The following LSAMP variants were observed in gnomAD, a reference collection of about 807,000 sequenced individuals.
LSAMP encodes limbic system associated membrane protein.
In LSAMP, 7 loss-of-function variants were observed where a neutral mutation model predicts 38.6. The observed-to-expected ratio is 0.18, with a 90% CI of 0.10 to 0.34. The LOEUF is 0.34. Ranked by LOEUF, LSAMP falls within the 10% of genes least tolerant of loss-of-function variation. The pLI is 1.00. For missense variants in LSAMP, 313 were observed against 420.0 expected (o/e 0.75, Z 2.23); for synonymous variants, 154 against 166.8 (o/e 0.92, Z 0.59).
At chr3:116,190,157 T>C (rs986679667) in intron 1 of LSAMP, among the ~76,000 whole-genome samples, 2 of 147,576 alleles carry the variant, frequency 1.4e-5, no homozygotes, top group African/African-American at 5.1e-5. Context: ...ACAGCTAAAA[T>C]CTTTTTAAGT....
intron 1 of LSAMP, among the ~76,000 whole-genome samples, chr3:116,161,169 T>C (rs891741242): frequency 6.6e-6 from 1 of 152,166 alleles, no homozygotes; most frequent in Non-Finnish European, 1.5e-5. Context: ...TGTATTTTTT[T>C]AGGGACAAGA....
At chr3:116,371,263 GATA>G (rs1290426733) in intron 1 of LSAMP, among the ~76,000 whole-genome samples, 1 of 151,992 alleles carries the variant, frequency 6.6e-6, no homozygotes, top group East Asian at 1.9e-4. Flanking sequence ...ACTACAGACC[GATA>G]TCCCTTATGA....
chr3:115,887,543 G>T (rs1366890956), intron 3 of LSAMP, among the ~76,000 whole-genome samples: 1 of 151,902 alleles, frequency 6.6e-6, no homozygotes, highest in Non-Finnish European at 1.5e-5. Context: ...TATATTGAAA[G>T]AATTCATGCA....
chr3:116,070,425 T>A (rs1436144055), intron 2 of LSAMP, among the ~76,000 whole-genome samples: 1 of 151,928 alleles, frequency 6.6e-6, no homozygotes, highest in Non-Finnish European at 1.5e-5. Context: ...ACAGAAGAGA[T>A]CAAAACAAGA....
At chr3:116,305,567 A>G (rs535841619) in intron 1 of LSAMP, among the ~76,000 whole-genome samples, 13 of 152,108 alleles carry the variant, frequency 8.5e-5, no homozygotes, top group Non-Finnish European at 1.9e-4. Flanking sequence ...TACAGAAAGT[A>G]TGTGCCAGCT....
At chr3:116,158,534 T>C (rs1709810617) in intron 1 of LSAMP, among the ~76,000 whole-genome samples, 1 of 152,064 alleles carries the variant, frequency 6.6e-6, no homozygotes, top group Non-Finnish European at 1.5e-5. Flanking sequence ...AAATCATCAG[T>C]AGCATTTATA....
intron 1 of LSAMP, among the ~76,000 whole-genome samples, chr3:116,178,090 TGTGTAC>T (rs1225611709): frequency 8.4e-5 from 5 of 59,332 alleles, no homozygotes; most frequent in Admixed American, 2.3e-4. Flanking sequence ...CTGATAGTCT[TGTGTAC>T]GTGTGTGTGT....
intron 1 of LSAMP, among the ~76,000 whole-genome samples, chr3:116,091,585 A>G (rs1708124691): frequency 1.3e-5 from 2 of 152,198 alleles, no homozygotes; most frequent in Admixed American, 1.3e-4. Flanking sequence ...AATCTTCACA[A>G]TCCACGTTCT....
chr3:116,042,124 C>G (rs1013367902), intron 2 of LSAMP, among the ~76,000 whole-genome samples: 1 of 152,096 alleles, frequency 6.6e-6, no homozygotes, highest in Non-Finnish European at 1.5e-5. Flanking sequence ...TTTATGTGTA[C>G]TATTCTGAGG....
intron 1 of LSAMP, among the ~76,000 whole-genome samples, chr3:116,408,555 C>A (rs538522817): frequency 8.5e-5 from 13 of 152,154 alleles, no homozygotes; most frequent in Non-Finnish European, 1.5e-4. Flanking sequence ...TTACACTCAA[C>A]ACATTGAAAA....
At chr3:115,991,574 C>G (rs1939669042) in intron 3 of LSAMP, among the ~76,000 whole-genome samples, 1 of 151,892 alleles carries the variant, frequency 6.6e-6, no homozygotes, top group Non-Finnish European at 1.5e-5. Flanking sequence ...TTCATGAACA[C>G]AAGGTGGAAT....
chr3:115,955,270 C>T (rs377630712), intron 3 of LSAMP, among the ~76,000 whole-genome samples: 107 of 152,168 alleles, frequency 7.0e-4, no homozygotes, highest in African/African-American at 2.4e-3. Context: ...TGTTGGTAAA[C>T]CTAAACCTCA....
At position 116,226,941 on chromosome 3, in the gene LSAMP, AT is replaced by A. The variant is rs921455915; in HGVS notation, c.156-140386del. On this transcript the variant is annotated intron_variant, in intron 1 of 6. Coordinates refer to ENST00000490035, the MANE Select transcript of LSAMP (RefSeq NM_002338.5). ...CTTTGTAACAAGGTGAAAGCTGGGA[AT>A]TTTTTTTCAGAAATACATAACCAAC... Among the ~76,000 whole-genome samples the A allele has an allele frequency of 2.0e-5, 3 of 151,882 alleles. No individual in the cohort carries two copies. In the East Asian group the frequency reaches 5.8e-4, roughly 29 times the overall value.
At chr3:116,190,315 A>G (rs1710726871) in intron 1 of LSAMP, among the ~76,000 whole-genome samples, 1 of 152,162 alleles carries the variant, frequency 6.6e-6, no homozygotes, top group Admixed American at 6.5e-5. Context: ...CCTTTTTATT[A>G]GACGCAGCCC....
At chr3:116,390,887 C>T (rs1483631619) in intron 1 of LSAMP, among the ~76,000 whole-genome samples, 1 of 152,086 alleles carries the variant, frequency 6.6e-6, no homozygotes, top group Non-Finnish European at 1.5e-5. Context: ...TTTCCAATCT[C>T]CTACCATTTT....
intron 3 of LSAMP, among the ~76,000 whole-genome samples, chr3:115,948,187 A>G (rs922881629): frequency 1.3e-5 from 2 of 152,196 alleles, no homozygotes; most frequent in African/African-American, 4.8e-5. Flanking sequence ...CATAAGTAAC[A>G]AATCATATAA....
At chr3:116,419,079 T>A (rs2049089149) in intron 1 of LSAMP, among the ~76,000 whole-genome samples, 1 of 152,250 alleles carries the variant, frequency 6.6e-6, no homozygotes, top group African/African-American at 2.4e-5. Context: ...GTAGAAGTGC[T>A]ACCCTGTGTC....
Position 116,206,386 on chromosome 3 carries a change from T to C in LSAMP, c.156-119830A>G, listed in dbSNP as rs530553743. On this transcript the variant is annotated intron_variant, in intron 1 of 6. Coordinates refer to ENST00000490035, the MANE Select transcript of LSAMP (RefSeq NM_002338.5). ...GATTCATTAATTTTTTGAAGGGTTT[T>C]TTTGGTCTCTATTTCCTTCAGTTCT... 1.1e-4 allele frequency among the ~76,000 whole-genome samples: 16 copies of C among 151,526 alleles called. No individual in the cohort carries two copies. In the South Asian group the frequency reaches 3.4e-3, roughly 32 times the overall value.
intron 1 of LSAMP, among the ~76,000 whole-genome samples, chr3:116,161,448 A>T (rs1306035729): frequency 2.6e-5 from 4 of 152,224 alleles, no homozygotes; most frequent in Non-Finnish European, 5.9e-5. Flanking sequence ...TTTGTACTTG[A>T]AATGACTGAA....
Sources: gnomAD v4.1 joint callset for allele counts (sites outside exome capture counted in the v4.1 genomes callset) on GRCh38, gnomAD v4.1.1 for gene constraint, MANE v1.5 for transcripts, NCBI Gene and HGNC (gene_info 2026-07-23, HGNC 2026-07-21) for gene names.